UROC1: variants seen among roughly 807,000 people sequenced by gnomAD.
The protein encoded by UROC1 is urocanate hydratase 1.
In UROC1, 79 loss-of-function variants were observed where a neutral mutation model predicts 89.5. That is an observed-to-expected ratio of 0.88 (90% CI 0.74 to 1.06). UROC1 has a LOEUF of 1.06. Among genes scored for constraint, UROC1 ranks in the 50% least tolerant of loss-of-function variants. UROC1 has a pLI of 0.00. For missense variants in UROC1, 885 were observed against 907.8 expected, an observed-to-expected ratio of 0.97 and a Z score of 0.32; for synonymous variants, 361 against 354.8, an observed-to-expected ratio of 1.02 and a Z score of -0.20.
intron 13 of UROC1, among the ~76,000 whole-genome samples, chr3:126,499,028 A>G (rs1935847108): frequency 6.6e-6 from 1 of 152,016 alleles, no homozygotes. Flanking sequence ...AGGGCCTGTG[A>G]AGACATATTA....
At chr3:126,513,408 A>G (rs1201996455) in intron 1 of UROC1, among the ~76,000 whole-genome samples, 1 of 152,236 alleles carries the variant, frequency 6.6e-6, no homozygotes, top group East Asian at 1.9e-4. Context: ...CAGGAGCTGC[A>G]GCCAGGCTTC....
At chr3:126,486,152 C>T (rs1368656020) in intron 18 of UROC1, among the ~76,000 whole-genome samples, 1 of 152,188 alleles carries the variant, frequency 6.6e-6, no homozygotes, top group Non-Finnish European at 1.5e-5. Context: ...TTGGAAACAC[C>T]GGCTGGAAGC....
At chr3:126,496,162 C>A in intron 14 of UROC1, 54 bp from the exon 15 acceptor site, 2 of 1,571,476 alleles carry the variant, frequency 1.3e-6, no homozygotes, top group African/African-American at 2.7e-5. Context: ...ACAGACCTGC[C>A]CTCAGGCAGG....
At chr3:126,493,522 A>T (rs564761680) in intron 15 of UROC1, among the ~76,000 whole-genome samples, 1 of 152,374 alleles carries the variant, frequency 6.6e-6, no homozygotes, top group African/African-American at 2.4e-5. Flanking sequence ...CAGACACAAA[A>T]GGACAAACAC....
At chr3:126,497,608 C>T (rs1935808536) in intron 14 of UROC1, among the ~76,000 whole-genome samples, 3 of 152,208 alleles carry the variant, frequency 2.0e-5, no homozygotes, top group South Asian at 2.1e-4. Context: ...GCCCTGGCCA[C>T]GTGGAGGGGG....
chr3:126,488,828 C>A (rs531368718), intron 17 of UROC1, among the ~76,000 whole-genome samples: 1 of 152,218 alleles, frequency 6.6e-6, no homozygotes, highest in Non-Finnish European at 1.5e-5. Flanking sequence ...CCGTGAGCCC[C>A]TGGGTAGACA....
chr3:126,501,072 G>T, intron 10 of UROC1, 146 bp downstream of exon 10: 1 of 1,178,964 alleles, frequency 8.5e-7, no homozygotes, highest in Non-Finnish European at 1.3e-6. Flanking sequence ...CCTCAAGCTT[G>T]GGTAAGGGTG....
In UROC1 at chr3:126,517,748, C is replaced by A; in HGVS notation, c.-29G>T. The A allele has an allele frequency of 1.3e-6, 2 of 1,555,528 alleles. No individual in the cohort carries two copies. Among genetic ancestry groups the A allele is most frequent in the Non-Finnish European group, 8.7e-7 (1 of 1,150,360 alleles). ...TGACTGAGATGGAGGCAGAGGCCAG[C>A]ACTGTGGGGAGGCCAGGAAGAGACT... On this transcript the variant is annotated 5_prime_UTR_variant, in exon 1 of 20. Coordinates refer to ENST00000290868, the MANE Select transcript of UROC1 (RefSeq NM_144639.3).
At chr3:126,498,625 C>T (rs1256114706) in intron 13 of UROC1, among the ~76,000 whole-genome samples, 1 of 152,042 alleles carries the variant, frequency 6.6e-6, no homozygotes, top group African/African-American at 2.4e-5. Flanking sequence ...TGGGCTCCTG[C>T]ACTTGCTAGG....
At chr3:126,494,430 C>T (rs765181844) in intron 15 of UROC1, among the ~76,000 whole-genome samples, 3 of 152,192 alleles carry the variant, frequency 2.0e-5, no homozygotes, top group Admixed American at 6.5e-5. Context: ...CTCCAGCCTC[C>T]GAGTCTTGGC....
chr3:126,505,602 AG>A, intron 8 of UROC1, 98 bp downstream of exon 8: 2 of 1,479,554 alleles, frequency 1.4e-6, no homozygotes, highest in Non-Finnish European at 8.9e-7. Context: ...AAGGATGAGA[AG>A]GGGGGTCTGT....
chr3:126,508,565 G>A (rs1936123708), intron 3 of UROC1, 90 bp from the exon 4 acceptor site: 4 of 1,038,966 alleles, frequency 3.8e-6, no homozygotes, highest in South Asian at 1.3e-5. Flanking sequence ...CATCCCCTGG[G>A]GGCCCAATGG....
At chr3:126,501,318 C>T in intron 9 of UROC1, 38 bp from the exon 10 acceptor site, 1 of 1,613,290 alleles carries the variant, frequency 6.2e-7, no homozygotes, top group Non-Finnish European at 8.5e-7. Context: ...GCCCCCTGCA[C>T]CTGTGCATAG....
chr3:126,485,598 TA>T (rs199965843), intron 18 of UROC1, among the ~76,000 whole-genome samples: 9,270 of 150,576 alleles, frequency 0.062, 971 homozygotes, highest in African/African-American at 0.21. Context: ...TTTATTTATT[TA>T]TTTTTTTTTG....
chr3:126,502,202 TTGTGTGTGTGTC>T (rs564408526), intron 9 of UROC1, among the ~76,000 whole-genome samples: 3,449 of 151,896 alleles, frequency 0.023, 44 homozygotes, highest in African/African-American at 0.026. Context: ...TTGCGTGTGT[TTGTGTGTGTGTC>T]TGTGTGTGTT....
chr3:126,488,090 C>T, intron 18 of UROC1, 108 bp downstream of exon 18: 1 of 1,196,624 alleles, frequency 8.4e-7, no homozygotes, highest in South Asian at 1.2e-5. Context: ...GGGGAGGTGA[C>T]CAGGGAGGTA....
At chr3:126,510,348 C>G (rs560206728) in intron 2 of UROC1, among the ~76,000 whole-genome samples, 1 of 152,348 alleles carries the variant, frequency 6.6e-6, no homozygotes, top group African/African-American at 2.4e-5. Context: ...GAAAAACAAG[C>G]CATGGTTTTT....
intron 1 of UROC1, among the ~76,000 whole-genome samples, chr3:126,513,575 C>T (rs1936240232): frequency 6.6e-6 from 1 of 152,216 alleles, no homozygotes; most frequent in Non-Finnish European, 1.5e-5. Context: ...GTAAAGTGGG[C>T]ATAATAACAG....
At chr3:126,482,559 T>TG (rs1935414458) in intron 19 of UROC1, 74 bp from the exon 20 acceptor site, 2 of 1,609,604 alleles carry the variant, frequency 1.2e-6, no homozygotes, top group East Asian at 4.5e-5. Context: ...CTCCCACACT[T>TG]GGGGCCTCTC....
Sources: gnomAD v4.1 joint callset for allele counts (sites outside exome capture counted in the v4.1 genomes callset) on GRCh38, gnomAD v4.1.1 for gene constraint, MANE v1.5 for transcripts, NCBI Gene and HGNC (gene_info 2026-07-23, HGNC 2026-07-21) for gene names.